The following MAN1A1 variants were observed in gnomAD, a reference collection of about 807,000 sequenced individuals.
The protein encoded by MAN1A1 is mannosyl-oligosaccharide 1,2-alpha-mannosidase IA.
In MAN1A1, 29 loss-of-function variants were observed where a neutral mutation model predicts 70.8. The observed-to-expected ratio is 0.41, with a 90% CI of 0.31 to 0.56. MAN1A1 has a LOEUF of 0.56. Among genes scored for constraint, MAN1A1 ranks in the 20% least tolerant of loss-of-function variants. MAN1A1 has a pLI of 0.29. For missense variants in MAN1A1, 747 were observed against 841.3 expected (o/e 0.89, Z 1.39); for synonymous variants, 349 against 330.1 (o/e 1.06, Z -0.62).
chr6:119,322,560 C>G (rs1773039535), intron 2 of MAN1A1, among the ~76,000 whole-genome samples: 1 of 152,178 alleles, frequency 6.6e-6, no homozygotes, highest in Non-Finnish European at 1.5e-5. Context: ...AGGCAAGAAA[C>G]ATGGTCCTGT....
At chr6:119,327,868 C>A (rs757626957) in intron 2 of MAN1A1, among the ~76,000 whole-genome samples, 2 of 152,080 alleles carry the variant, frequency 1.3e-5, no homozygotes, top group African/African-American at 4.8e-5. Flanking sequence ...AGCAAACTGA[C>A]GAAGAATGCA....
rs1408711849 is a variant in MAN1A1, at chr6:119,189,799, T to C, written c.1411A>G (p.Met471Val). ...EWKGGLLEHK[M>V]GHLTCFAGGM... ...CCCGCGAAGCAGGTCAGGTGGCCCA[T>C]CTTGTGCTCCAGGAGGCCCCCTTTC... Residue 471 changes from methionine (M) to valine (V), a missense_variant, in exon 10 of 13, where the codon ATG (methionine) becomes GTG (valine). Around this residue, in one of 2 missense-constraint regions of MAN1A1, gnomAD observed 419 missense variants for 548.2 expected, o/e 0.76. Transcript: ENST00000368468. 6 of 1,614,058 alleles carry C rather than the reference T, an allele frequency of 3.7e-6. No homozygotes were observed. Among genetic ancestry groups the C allele is most frequent in the Non-Finnish European group, 5.1e-6 (6 of 1,180,026 alleles).
intron 2 of MAN1A1, among the ~76,000 whole-genome samples, chr6:119,341,522 C>T (rs1434022958): frequency 6.6e-6 from 1 of 152,096 alleles, no homozygotes; most frequent in Non-Finnish European, 1.5e-5. Flanking sequence ...AGCTCACAGG[C>T]CTTATTTCTC....
At chr6:119,218,667 C>T (rs1774273216) in intron 6 of MAN1A1, among the ~76,000 whole-genome samples, 2 of 152,030 alleles carry the variant, frequency 1.3e-5, no homozygotes, top group Non-Finnish European at 2.9e-5. Flanking sequence ...GCTTTTCTCC[C>T]ACATCTCAAA....
chr6:119,198,339 G>A (rs1389675119), intron 8 of MAN1A1, among the ~76,000 whole-genome samples: 1 of 152,128 alleles, frequency 6.6e-6, no homozygotes, highest in East Asian at 1.9e-4. Context: ...GCAGTGAGCT[G>A]AGGCTGTGCC....
intron 5 of MAN1A1, among the ~76,000 whole-genome samples, chr6:119,254,313 T>A (rs1264859834): frequency 6.6e-6 from 1 of 152,220 alleles, no homozygotes; most frequent in Non-Finnish European, 1.5e-5. Flanking sequence ...ACTGTTTCCA[T>A]GTGAGGCCTG....
intron 5 of MAN1A1, among the ~76,000 whole-genome samples, chr6:119,270,278 G>A (rs1775883513): frequency 6.6e-6 from 1 of 152,054 alleles, no homozygotes; most frequent in Non-Finnish European, 1.5e-5. Context: ...CTTTTCAGGG[G>A]ACATACATAT....
At chr6:119,229,878 T>C (rs1311807617) in intron 6 of MAN1A1, among the ~76,000 whole-genome samples, 2 of 152,222 alleles carry the variant, frequency 1.3e-5, no homozygotes, top group Admixed American at 1.3e-4. Context: ...GACATTCTCT[T>C]CTTCAAATTA....
intron 5 of MAN1A1, among the ~76,000 whole-genome samples, chr6:119,268,101 A>G (rs1775809107): frequency 2.0e-5 from 3 of 152,178 alleles, no homozygotes; most frequent in Admixed American, 2.0e-4. Context: ...CATGGTCCAG[A>G]TCCATTAATT....
chr6:119,270,931 T>C lies in MAN1A1; in HGVS notation c.897+19752A>G, dbSNP rs559681715. ...CCAACTGTTTCTGTGAATATTGCAGTTTACTGTTTTCCTTGAACGACTTCT... is the reference window on the plus strand; with the variant it reads ...CCAACTGTTTCTGTGAATATTGCAGCTTACTGTTTTCCTTGAACGACTTCT... On this transcript the variant is annotated intron_variant, in intron 5 of 12. Coordinates refer to ENST00000368468, the MANE Select transcript of MAN1A1 (RefSeq NM_005907.4). Among the ~76,000 whole-genome samples, 5 of 152,298 alleles carry C rather than the reference T, an allele frequency of 3.3e-5. No individual in the cohort carries two copies. In the East Asian group the frequency reaches 9.6e-4, roughly 29 times the overall value.
At chr6:119,194,606 G>A (rs1235054764) in intron 8 of MAN1A1, among the ~76,000 whole-genome samples, 1 of 152,176 alleles carries the variant, frequency 6.6e-6, no homozygotes, top group Non-Finnish European at 1.5e-5. Flanking sequence ...TTACAGGCAT[G>A]AACCACTGTG....
At chr6:119,184,022 A>C (rs1773222103) in intron 11 of MAN1A1, among the ~76,000 whole-genome samples, 1 of 152,082 alleles carries the variant, frequency 6.6e-6, no homozygotes, top group Admixed American at 6.5e-5. Flanking sequence ...TTTTTTTTTA[A>C]AGGAAAAGCA....
intron 6 of MAN1A1, chr6:119,210,991 C>A: frequency 2.4e-6 from 1 of 425,406 alleles, no homozygotes; most frequent in Admixed American, 2.6e-5. Context: ...TACACACAAT[C>A]ATTTATATCA....
At chr6:119,186,769 C>CG (rs891787779) in intron 11 of MAN1A1, among the ~76,000 whole-genome samples, 1 of 152,116 alleles carries the variant, frequency 6.6e-6, no homozygotes, top group East Asian at 1.9e-4. Context: ...CAGGAGGCCA[C>CG]GGGGGTGGGC....
intron 11 of MAN1A1, among the ~76,000 whole-genome samples, chr6:119,184,909 AAG>A (rs1240393317): frequency 6.6e-6 from 1 of 151,896 alleles, no homozygotes; most frequent in East Asian, 1.9e-4. Flanking sequence ...TAAAATTTTC[AAG>A]AGAGTCTCGC....
At chr6:119,324,044 C>T (rs917621352) in intron 2 of MAN1A1, among the ~76,000 whole-genome samples, 4 of 152,140 alleles carry the variant, frequency 2.6e-5, no homozygotes, top group African/African-American at 9.7e-5. Context: ...TCAACATACA[C>T]AGTAACAGCA....
Position 119,178,544 on chromosome 6 carries a change from C to T in MAN1A1, c.*1275G>A, listed in dbSNP as rs1442370575. The T allele has an allele frequency of 6.6e-6, 1 of 151,946 alleles. No homozygotes were observed. Among genetic ancestry groups the T allele is most frequent in the African/African-American group, 2.4e-5 (1 of 41,382 alleles). 9.4% of individuals were successfully genotyped at this position (151,946 alleles called of 1,614,324 possible). ...ACACCAAATCTATTCTTGAGAAAAC[C>T]ATTCCTATTTCAAACTTAATGTTTA... On this transcript the variant is annotated 3_prime_UTR_variant, in exon 13 of 13. Coordinates refer to ENST00000368468, the MANE Select transcript of MAN1A1 (RefSeq NM_005907.4).
At chr6:119,220,414 T>C (rs1303238920) in intron 6 of MAN1A1, among the ~76,000 whole-genome samples, 1 of 152,244 alleles carries the variant, frequency 6.6e-6, no homozygotes, top group East Asian at 1.9e-4. Flanking sequence ...ATATGTAAAA[T>C]GGTTTAAGTT....
In MAN1A1 at chr6:119,291,940, T is replaced by C. The variant is rs151163417; in HGVS notation, c.817-1177A>G. Reference sequence around the variant, plus strand: ...AATGACCTTATGAATTAATTACTATTCTTATATCCATTTTAAAATGTTGAA... The same window carrying C: ...AATGACCTTATGAATTAATTACTATCCTTATATCCATTTTAAAATGTTGAA... On this transcript the variant is annotated intron_variant, in intron 4 of 12. Coordinates refer to ENST00000368468, the MANE Select transcript of MAN1A1 (RefSeq NM_005907.4). 2.0e-3 allele frequency among the ~76,000 whole-genome samples: 303 copies of C among 152,134 alleles called. 3 individuals are homozygous for C. The highest frequency in any genetic ancestry group is 6.9e-3 in the African/African-American group (287 of 41,550).
Sources: gnomAD v4.1 joint callset for allele counts (sites outside exome capture counted in the v4.1 genomes callset) on GRCh38, gnomAD v4.1.1 for gene constraint, gnomAD v4.1.1 regional missense constraint, MANE v1.5 for transcripts, NCBI Gene and HGNC (gene_info 2026-07-23, HGNC 2026-07-21) for gene names.